ARID1A: variants seen among roughly 807,000 people sequenced by gnomAD.
The protein encoded by ARID1A is AT-rich interaction domain 1A, also known as AT-rich interactive domain-containing protein 1A.
ARID1A carries 20 observed loss-of-function variants against 212.6 expected under a neutral mutation model. The observed-to-expected ratio is 0.09, with a 90% CI of 0.07 to 0.14. The LOEUF (loss-of-function observed/expected upper bound fraction) is 0.14. ARID1A is among the 10% of genes least tolerant of loss of function. ARID1A has a pLI of 1.00. For synonymous variants in ARID1A, 1,376 were observed against 1,222.1 expected (o/e 1.13, Z -2.63); for missense variants, 2,587 against 3,059.0 (o/e 0.85, Z 3.64).
intron 4 of ARID1A, among the ~76,000 whole-genome samples, chr1:26,751,658 A>G (rs1370408002): frequency 6.6e-6 from 1 of 152,244 alleles, no homozygotes; most frequent in African/African-American, 2.4e-5. Flanking sequence ...AATATGTGAT[A>G]GTCACATATT....
At chr1:26,704,185 G>A (rs1359977025) in intron 1 of ARID1A, among the ~76,000 whole-genome samples, 4 of 152,176 alleles carry the variant, frequency 2.6e-5, no homozygotes, top group Admixed American at 2.0e-4. Context: ...CTGAAAGAGT[G>A]GTTCCAGGGT....
chr1:26,727,253 T>G (rs2080627777), intron 1 of ARID1A, among the ~76,000 whole-genome samples: 1 of 152,212 alleles, frequency 6.6e-6, no homozygotes, highest in Non-Finnish European at 1.5e-5. Flanking sequence ...CACTACCCTC[T>G]ATGTAATAAT....
intron 12 of ARID1A, 50 bp from the exon 13 acceptor site, chr1:26,772,450 T>TAA: frequency 1.2e-6 from 2 of 1,612,928 alleles, no homozygotes; most frequent in Non-Finnish European, 1.7e-6. Flanking sequence ...GTGTGAGAGT[T>TAA]AAACACTGTC....
intron 5 of ARID1A, 98 bp downstream of exon 5, chr1:26,761,194 G>C (rs1177853302): frequency 2.0e-6 from 3 of 1,523,296 alleles, no homozygotes; most frequent in Middle Eastern, 1.8e-4. Flanking sequence ...AGCATCTCTG[G>C]CTCATGCCTG....
At chr1:26,773,522 A>C (rs779774379) in intron 15 of ARID1A, 26 bp downstream of exon 15, 63 of 1,612,262 alleles carry the variant, frequency 3.9e-5, no homozygotes, top group Non-Finnish European at 5.3e-5. Context: ...GCTCCTGTCC[A>C]CTCCCCCAGC....
Position 26,696,375 on chromosome 1 carries a change from G to T in ARID1A, c.-29G>T, listed in dbSNP as rs776700604. 3 of 1,239,558 alleles carry T rather than the reference G, an allele frequency of 2.4e-6. No homozygotes were observed. The highest frequency in any genetic ancestry group is 3.0e-6 in the Non-Finnish European group (3 of 990,720). 76.8% of individuals were successfully genotyped at this position (1,239,558 alleles called of 1,614,324 possible). On this transcript the variant is annotated 5_prime_UTR_variant, in exon 1 of 20. Coordinates refer to ENST00000324856, the MANE Select transcript of ARID1A (RefSeq NM_006015.6). The stretch of plus-strand genomic sequence containing the variant: ...GGGGAGAAGACGAAGACAGGGCCGG[G>T]TCTCTCCGCGGACGAGACAGCGGGG...
At chr1:26,698,400 C>G (rs1244772305) in intron 1 of ARID1A, among the ~76,000 whole-genome samples, 2 of 152,202 alleles carry the variant, frequency 1.3e-5, no homozygotes, top group Non-Finnish European at 2.9e-5. Flanking sequence ...ATAACCCAAA[C>G]TATCGCTGCC....
intron 1 of ARID1A, among the ~76,000 whole-genome samples, chr1:26,710,629 A>G (rs2080444669): frequency 6.6e-6 from 1 of 151,946 alleles, no homozygotes; most frequent in Non-Finnish European, 1.5e-5. Context: ...AGAAGCACAG[A>G]CCCTTGGCCA....
chr1:26,719,788 A>G (rs1332101308), intron 1 of ARID1A, among the ~76,000 whole-genome samples: 1 of 151,818 alleles, frequency 6.6e-6, no homozygotes, highest in Non-Finnish European at 1.5e-5. Flanking sequence ...TAAAAATACA[A>G]AAATTAGCCG....
chr1:26,760,740 T>G, intron 4 of ARID1A, 116 bp from the exon 5 acceptor site: 1 of 1,093,442 alleles, frequency 9.1e-7, no homozygotes, highest in Non-Finnish European at 1.3e-6. Context: ...AAAGAACGTG[T>G]GTGATGTATT....
Position 26,729,796 on chromosome 1 carries a change from A to G in ARID1A, c.1283A>G (p.Gln428Arg), listed in dbSNP as rs1442060688. ...CAGCCATACGGGTCCCAGACCCCGC[A>G]GCGGTACCCGATGACCATGCAGGGC... Reference protein sequence around the residue: ...PGQPYGSQTPQRYPMTMQGRA... With the variant: ...PGQPYGSQTPRRYPMTMQGRA... The change falls in exon 2 of 20, where the codon CAG becomes CGG. Residue 428 changes from glutamine (Q) to arginine (R), a missense_variant. Coordinates refer to ENST00000324856, the MANE Select transcript of ARID1A (RefSeq NM_006015.6). 3 of 1,614,140 alleles carry G rather than the reference A, an allele frequency of 1.9e-6. No homozygotes were observed. In the African/African-American group the frequency reaches 4.0e-5, roughly 22 times the overall value.
At chr1:26,752,207 CG>C (rs998706683) in intron 4 of ARID1A, among the ~76,000 whole-genome samples, 4 of 152,160 alleles carry the variant, frequency 2.6e-5, no homozygotes, top group Non-Finnish European at 5.9e-5. Context: ...GAATTACCAC[CG>C]GGTGTGAAAG....
At chr1:26,759,574 A>G (rs1462450501) in intron 4 of ARID1A, among the ~76,000 whole-genome samples, 1 of 152,148 alleles carries the variant, frequency 6.6e-6, no homozygotes, top group Admixed American at 6.5e-5. Flanking sequence ...CCTTTCTTCA[A>G]TTACAGTTAG....
intron 11 of ARID1A, among the ~76,000 whole-genome samples, chr1:26,768,715 A>T (rs571736235): frequency 6.6e-6 from 1 of 152,206 alleles, no homozygotes; most frequent in South Asian, 2.1e-4. Context: ...GCTTGTGCCT[A>T]CTCTGATACC....
At chr1:26,762,890 C>A in intron 7 of ARID1A, 83 bp from the exon 8 acceptor site, 1 of 1,294,912 alleles carries the variant, frequency 7.7e-7, no homozygotes. Flanking sequence ...TATTGAATGA[C>A]ATTGTTTGGT....
chr1:26,732,114 G>A (rs1251591875), intron 3 of ARID1A, among the ~76,000 whole-genome samples: 1 of 152,102 alleles, frequency 6.6e-6, no homozygotes, highest in East Asian at 1.9e-4. Flanking sequence ...TATTTTTTGT[G>A]GGTGGATTTT....
chr1:26,762,801 T>C (rs1409539221), intron 7 of ARID1A, among the ~76,000 whole-genome samples, 172 bp from the exon 8 acceptor site: 1 of 152,234 alleles, frequency 6.6e-6, no homozygotes, highest in Non-Finnish European at 1.5e-5. Flanking sequence ...CTGACCTGCC[T>C]TTACATGCTT....
At chr1:26,758,427 A>C (rs1009449228) in intron 4 of ARID1A, among the ~76,000 whole-genome samples, 10 of 152,022 alleles carry the variant, frequency 6.6e-5, no homozygotes, top group African/African-American at 2.2e-4. Context: ...CACACACACA[A>C]ACACAGCCAG....
chr1:26,719,055 A>G (rs937027028), intron 1 of ARID1A, among the ~76,000 whole-genome samples: 1 of 152,192 alleles, frequency 6.6e-6, no homozygotes, highest in African/African-American at 2.4e-5. Flanking sequence ...TGTAGATCCA[A>G]AGCATTTCAG....
Sources: allele counts gnomAD v4.1 joint callset (sites outside exome capture counted in the v4.1 genomes callset), GRCh38; gene constraint gnomAD v4.1.1; transcripts MANE v1.5; gene names NCBI Gene and HGNC (gene_info 2026-07-23, HGNC 2026-07-21).